ABHD17A: variants seen among roughly 807,000 people sequenced by gnomAD.
ABHD17A encodes the protein abhydrolase domain containing 17A, depalmitoylase.
A neutral mutation model predicts 26.8 loss-of-function variants in ABHD17A; 10 were observed. The observed-to-expected ratio is 0.37, with a 90% CI of 0.23 to 0.63. The LOEUF is 0.63. ABHD17A is among the 30% of genes least tolerant of loss of function. ABHD17A has a pLI of 0.61. For synonymous variants in ABHD17A, 167 were observed against 210.9 expected (o/e 0.79, Z 1.80); for missense variants, 292 against 457.3 (o/e 0.64, Z 3.30).
Position 1,881,436 on chromosome 19 carries a change from C to T in ABHD17A, c.131G>A (p.Gly44Glu). The T allele has an allele frequency of 6.2e-7, 1 of 1,602,338 alleles. No homozygotes were observed. Among genetic ancestry groups the T allele is most frequent in the Non-Finnish European group, 8.5e-7 (1 of 1,178,126 alleles). Residue 44 changes from glycine (G) to glutamate (E), a missense_variant, in exon 2 of 5, where the codon GGG becomes GAG. Transcript: ENST00000292577. Reference protein sequence around the residue: ...TYSLVPEPEPGPGGAGAAPLG... With the variant: ...TYSLVPEPEPEPGGAGAAPLG... ...GGGGGCGGCCCCGGCCCCACCAGGC[C>T]CCGGCTCGGGCTCAGGCACCAGGGA... is the stretch of plus-strand genomic sequence containing the variant.
chr19:1,881,491 G>A lies in ABHD17A; in HGVS notation c.76C>T (p.Leu26Phe). 6.2e-7 allele frequency: 1 copy of A among 1,604,544 alleles called. No individual in the cohort carries two copies. Among genetic ancestry groups the A allele is most frequent in the Non-Finnish European group, 8.5e-7 (1 of 1,178,916 alleles). Residue 26 changes from leucine to phenylalanine, a missense_variant, in exon 2 of 5, where the codon CTC (leucine) becomes TTC (phenylalanine). By Grantham distance (22) the Leu-to-Phe change is conservative. Around this residue, in one of 4 missense-constraint regions of ABHD17A, gnomAD observed 171 missense variants for 216.1 expected, o/e 0.79. Coordinates refer to ENST00000292577, the MANE Select transcript of ABHD17A (RefSeq NM_001130111.2). ...PPCPGRIAAKLAFLPPEATYS... is the reference protein window; with the variant it reads ...PPCPGRIAAKFAFLPPEATYS... Reference sequence around the variant, plus strand: ...GTGGCCTCCGGCGGCAGGAAGGCGAGCTTGGCAGCGATGCGGCCGGGGCAG... The same window carrying A: ...GTGGCCTCCGGCGGCAGGAAGGCGAACTTGGCAGCGATGCGGCCGGGGCAG...
Position 1,877,501 on chromosome 19 carries a change from C to A in ABHD17A, c.707+7G>T. 6.3e-7 allele frequency: 1 copy of A among 1,592,390 alleles called. No homozygotes were observed. Among genetic ancestry groups the A allele is most frequent in the Non-Finnish European group, 8.5e-7 (1 of 1,177,390 alleles). On this transcript the variant is annotated splice_region_variant and intron_variant, in intron 4 of 4. Transcript: ENST00000292577. ...GCCCCGCCCCCGTCCCCGCCCGGGC[C>A]GCTCACTTAGGGAAGGCGTCGAAGC...
At chr19:1,877,938 C>G (rs1427927447) in intron 3 of ABHD17A, 1 of 520,954 alleles carries the variant, frequency 1.9e-6, no homozygotes, top group African/African-American at 2.0e-5. Flanking sequence ...TAGCTAGGAT[C>G]TGCAGGGATC....
Position 1,880,224 on chromosome 19 carries a change from C to T in ABHD17A, c.333-109G>A, listed in dbSNP as rs2012485589. ...CCCGGTGGCCAGCCATGCCCAGTGC[C>T]TCATTTACTCCCCTCCCAAGGGGGC... is the stretch of plus-strand genomic sequence containing the variant. On this transcript the variant is annotated intron_variant, in intron 2 of 4. Coordinates refer to ENST00000292577, the MANE Select transcript of ABHD17A (RefSeq NM_001130111.2). This position sits in a 1 kb window ranked among gnomAD's most constrained non-coding sequence, Gnocchi z 4.1. The T allele has an allele frequency of 3.4e-6, 4 of 1,164,414 alleles. No individual in the cohort carries two copies. Among genetic ancestry groups the T allele is most frequent in the Non-Finnish European group, 4.9e-6 (4 of 813,286 alleles). 72.1% of individuals were successfully genotyped at this position (1,164,414 alleles called of 1,614,324 possible). A position where few individuals can be genotyped will look rare whatever the true frequency, so the allele number is the denominator to read the frequency against.
At chr19:1,884,390 G>A (rs1462023363) in intron 1 of ABHD17A, among the ~76,000 whole-genome samples, 1 of 152,140 alleles carries the variant, frequency 6.6e-6, no homozygotes, top group Non-Finnish European at 1.5e-5. Context: ...ACTGGGGAGT[G>A]CAAACCCAGA....
At position 1,881,664 on chromosome 19, in the gene ABHD17A, G is replaced by A. The variant is rs1253503488; in HGVS notation, c.-98C>T. The A allele has an allele frequency of 2.4e-5, 34 of 1,389,126 alleles. No individual in the cohort carries two copies. Among genetic ancestry groups the A allele is most frequent in the East Asian group, 2.9e-5 (1 of 34,216 alleles). 86.1% of individuals were successfully genotyped at this position (1,389,126 alleles called of 1,614,324 possible). On this transcript the variant is annotated 5_prime_UTR_variant, in exon 2 of 5. Transcript: ENST00000292577. The stretch of plus-strand genomic sequence containing the variant: ...GAGGGGTGGGGGTGCTCCGAGTCGC[G>A]GGCAGGGGGGAGAGCGCCCCCCCAG...
In ABHD17A at chr19:1,877,185, C is replaced by G. The variant is rs776088683; in HGVS notation, c.*15G>C. 1 of 1,377,634 alleles carries G rather than the reference C, an allele frequency of 7.3e-7. No individual in the cohort carries two copies. Among genetic ancestry groups the G allele is most frequent in the Non-Finnish European group, 9.8e-7 (1 of 1,020,136 alleles). 85.3% of individuals were successfully genotyped at this position (1,377,634 alleles called of 1,614,324 possible). ...GGCCGCCTTATTGCTGAGGTCCGGC[C>G]GGTTGGGGCCGCCGCTAGGCGCGCT... On this transcript the variant is annotated 3_prime_UTR_variant, in exon 5 of 5. Transcript: ENST00000292577.
rs2012543631 is a variant in ABHD17A, at chr19:1,881,728, C to A, written c.-162G>T. 4 of 1,047,920 alleles carry A rather than the reference C, an allele frequency of 3.8e-6. No individual in the cohort carries two copies. The highest frequency in any genetic ancestry group is 1.9e-5 in the South Asian group (1 of 51,968). 64.9% of individuals were successfully genotyped at this position (1,047,920 alleles called of 1,614,324 possible). A position where few individuals can be genotyped will look rare whatever the true frequency, so the allele number is the denominator to read the frequency against. On this transcript the variant is annotated 5_prime_UTR_variant, in exon 2 of 5. Coordinates refer to ENST00000292577, the MANE Select transcript of ABHD17A (RefSeq NM_001130111.2). ...CAGCAGCCCCGTTAGGAGGCCAGGGCCCAGCCCCATCGCGGTCCAAGCCGA... is the reference window on the plus strand; with the variant it reads ...CAGCAGCCCCGTTAGGAGGCCAGGGACCAGCCCCATCGCGGTCCAAGCCGA...
intron 1 of ABHD17A, chr19:1,883,326 T>C (rs1368859786): frequency 6.6e-6 from 1 of 152,298 alleles, no homozygotes; most frequent in African/African-American, 2.4e-5. Flanking sequence ...CTTAGCACCC[T>C]GCAGTGCCCA....
chr19:1,881,383 C>A lies in ABHD17A; in HGVS notation c.184G>T (p.Ala62Ser), dbSNP rs747896893. 3.2e-5 allele frequency: 51 copies of A among 1,605,834 alleles called. No individual in the cohort carries two copies. The highest frequency in any genetic ancestry group is 4.2e-5 in the Non-Finnish European group (50 of 1,179,162). ...PLGTLRASSG[A>S]PGRWKLHLTE... Reference sequence around the variant, plus strand: ...AGGTGCAGCTTCCAGCGCCCGGGTGCGCCCGAGGAGGCTCTCAGGGTCCCC... The same window carrying A: ...AGGTGCAGCTTCCAGCGCCCGGGTGAGCCCGAGGAGGCTCTCAGGGTCCCC... The change falls in exon 2 of 5, where the codon GCA becomes TCA. Residue 62 changes from alanine (A) to serine (S), a missense_variant. This residue lies in a region of ABHD17A where 171 missense variants were observed against 216.1 expected (regional missense o/e 0.79). Transcript: ENST00000292577.
intron 1 of ABHD17A, among the ~76,000 whole-genome samples, chr19:1,884,794 T>A (rs1437699172): frequency 6.7e-6 from 1 of 148,386 alleles, no homozygotes; most frequent in East Asian, 2.0e-4. Flanking sequence ...CCCCCGAGAG[T>A]TTGCACTTCA....
At chr19:1,881,920 A>G (rs893542) in intron 1 of ABHD17A, 116 bp from the exon 2 acceptor site, 98,891 of 241,962 alleles carry the variant, frequency 0.41, 23,702 homozygotes, top group Non-Finnish European at 0.52. Flanking sequence ...GGGGCCTGTC[A>G]GTCCCCATCC....
At position 1,879,414 on chromosome 19, in the gene ABHD17A, A is replaced by C. The variant is rs1804278351; in HGVS notation, c.527+507T>G. On this transcript the variant is annotated intron_variant, in intron 3 of 4. Transcript: ENST00000292577. This position sits in a 1 kb window ranked among gnomAD's most constrained non-coding sequence, Gnocchi z 7.6. Reference sequence around the variant, plus strand: ...GGATCTGGAATCGAGGCTGGCCCAGACCTCGGATGTGTGCTGCGGGTCTGC... The same window carrying C: ...GGATCTGGAATCGAGGCTGGCCCAGCCCTCGGATGTGTGCTGCGGGTCTGC... The C allele has an allele frequency of 2.3e-5, 4 of 172,492 alleles. No homozygotes were observed. In the South Asian group the frequency reaches 5.1e-4, roughly 22 times the overall value. 10.7% of individuals were successfully genotyped at this position (172,492 alleles called of 1,614,324 possible). A position where few individuals can be genotyped will look rare whatever the true frequency, so the allele number is the denominator to read the frequency against.
Position 1,880,134 on chromosome 19 carries a change from G to A in ABHD17A, c.333-19C>T, listed in dbSNP as rs2012482434. On this transcript the variant is annotated intron_variant, in intron 2 of 4. Transcript: ENST00000292577. This position sits in a 1 kb window ranked among gnomAD's most constrained non-coding sequence, Gnocchi z 4.1. ...CGTGTACCTGGGACAGGCCGAGAAG[G>A]GCCGTTCACATCCTCGCTCCCAGCG... 3.7e-6 allele frequency: 6 copies of A among 1,612,142 alleles called. No homozygotes were observed. The East Asian group carries it at 1.3e-4, about 36-fold the overall frequency.
chr19:1,883,147 C>G (rs1038206674), intron 1 of ABHD17A: 1 of 152,222 alleles, frequency 6.6e-6, no homozygotes, highest in Non-Finnish European at 1.5e-5. Context: ...CCCAGTGCCC[C>G]CAGACTCCCA....
rs2012501204 is a variant in ABHD17A at position 1,880,830 on chromosome 19, C to T, written c.332+405G>A. On this transcript the variant is annotated intron_variant, in intron 2 of 4. Coordinates refer to ENST00000292577, the MANE Select transcript of ABHD17A (RefSeq NM_001130111.2). This position sits in a 1 kb window ranked among gnomAD's most constrained non-coding sequence, Gnocchi z 4.1. The stretch of plus-strand genomic sequence containing the variant: ...GACTGCTTCCTCCAGTTCCCCCAGG[C>T]CCCCACCTAGCCCAGCCAGAAGGTA... The T allele has an allele frequency of 5.0e-6, 8 of 1,594,026 alleles. 1 individual carries two copies. In the South Asian group the frequency reaches 7.9e-5, roughly 16 times the overall value.
Position 1,880,766 on chromosome 19 carries a change from G to T in ABHD17A, c.332+469C>A. On this transcript the variant is annotated intron_variant, in intron 2 of 4. Coordinates refer to ENST00000292577, the MANE Select transcript of ABHD17A (RefSeq NM_001130111.2). The surrounding 1 kb of genome is among the most constrained non-coding windows in gnomAD (Gnocchi z 4.1). The stretch of plus-strand genomic sequence containing the variant: ...CTTCCCAGCACGGGAGCTGCCCCAG[G>T]TGGTGCCAGGAGCAGGTGGCCAGGC... 7.4e-7 allele frequency: 1 copy of T among 1,345,876 alleles called. No homozygotes were observed. The highest frequency in any genetic ancestry group is 1.0e-6 in the Non-Finnish European group (1 of 985,058). The allele number at this position is 1,345,876 out of a possible 1,614,324, so 83.4% of individuals were successfully genotyped here.
chr19:1,883,822 CCCT>C (rs2012605259), intron 1 of ABHD17A: 1 of 152,504 alleles, frequency 6.6e-6, no homozygotes, highest in Non-Finnish European at 1.5e-5. Flanking sequence ...GGAGCCGCTT[CCCT>C]CTTGGGGTGT....
At position 1,881,402 on chromosome 19, in the gene ABHD17A, G is replaced by A. The variant is rs1238524507; in HGVS notation, c.165C>T (p.Thr55=). ...PGGAGAAPLG[T]LRASSGAPGR... is the part of the protein sequence containing the mutation. ...CGGGTGCGCCCGAGGAGGCTCTCAG[G>A]GTCCCCAAGGGGGCGGCCCCGGCCC... Residue 55 remains threonine (T), a synonymous_variant, in exon 2 of 5, where the codon ACC becomes ACT. Coordinates refer to ENST00000292577, the MANE Select transcript of ABHD17A (RefSeq NM_001130111.2). The A allele has an allele frequency of 2.5e-6, 4 of 1,603,772 alleles. No individual in the cohort carries two copies. The African/African-American group carries it at 5.3e-5, about 21-fold the overall frequency.
Sources: allele counts gnomAD v4.1 joint callset (sites outside exome capture counted in the v4.1 genomes callset), GRCh38; gene constraint gnomAD v4.1.1; regional missense constraint gnomAD v4.1.1; non-coding constraint Gnocchi (gnomAD v3.1); transcripts MANE v1.5; gene names NCBI Gene and HGNC (gene_info 2026-07-23, HGNC 2026-07-21).